The following C11orf65 variants were observed in gnomAD, a reference collection of about 807,000 sequenced individuals.
C11orf65 encodes the protein protein MFI.
A neutral mutation model predicts 35.3 loss-of-function variants in C11orf65; 38 were observed. That is an observed-to-expected ratio of 1.08 (90% CI 0.83 to 1.41). The LOEUF (loss-of-function observed/expected upper bound fraction) is 1.41, where lower values mean the gene tolerates loss of function less well. Among genes scored for constraint, C11orf65 ranks in the 40% most tolerant of loss-of-function variants. C11orf65 has a pLI of 0.00. For synonymous variants in C11orf65, 105 were observed against 114.4 expected (o/e 0.92, Z 0.53); for missense variants, 370 against 367.1 (o/e 1.01, Z -0.06).
At chr11:108,431,255 G>GA (rs143258232) in intron 3 of C11orf65, among the ~76,000 whole-genome samples, 17,123 of 151,486 alleles carry the variant, frequency 0.11, 1,320 homozygotes, top group Non-Finnish European at 0.15. Flanking sequence ...CCCCAAACTA[G>GA]AAAAAATACA....
chr11:108,425,268 A>C (rs1402418290), intron 3 of C11orf65, among the ~76,000 whole-genome samples: 1 of 152,208 alleles, frequency 6.6e-6, no homozygotes, highest in Non-Finnish European at 1.5e-5. Flanking sequence ...AGACTAACAA[A>C]GAAGAGAGAA....
chr11:108,337,991 CT>C (rs2087041530), intron 2 of C11orf65, among the ~76,000 whole-genome samples: 1 of 152,256 alleles, frequency 6.6e-6, no homozygotes, highest in Non-Finnish European at 1.5e-5. Flanking sequence ...ACTTTCATCT[CT>C]ACCTTATGAC....
At chr11:108,438,302 A>G (rs748140085) in intron 2 of C11orf65, among the ~76,000 whole-genome samples, 58 of 152,198 alleles carry the variant, frequency 3.8e-4, no homozygotes, top group Middle Eastern at 3.2e-3. Context: ...CTATAATTTC[A>G]GCAATTTGGG....
At chr11:108,317,304 G>GT (rs939856120) in intron 6 of C11orf65, 7 of 1,517,082 alleles carry the variant, frequency 4.6e-6, no homozygotes, top group East Asian at 2.3e-5. Context: ...TATCTTTGCT[G>GT]TTTTTTTCTC....
chr11:108,466,876 C>T (rs1399865866), intron 1 of C11orf65, among the ~76,000 whole-genome samples: 1 of 152,146 alleles, frequency 6.6e-6, no homozygotes, highest in Admixed American at 6.5e-5. Flanking sequence ...ATTTTGTTTC[C>T]TCTACTAAAT....
At chr11:108,380,862 C>T (rs1437247311), downstream of C11orf65, among the ~76,000 whole-genome samples, 3 of 152,160 alleles carry the variant, frequency 2.0e-5, no homozygotes, top group African/African-American at 7.2e-5. Flanking sequence ...TATGGTGACT[C>T]TTATCAGAAC....
chr11:108,410,157 C>T (rs1299838239), intron 3 of C11orf65, among the ~76,000 whole-genome samples: 2 of 152,086 alleles, frequency 1.3e-5, no homozygotes, highest in Middle Eastern at 3.4e-3. Flanking sequence ...TGTAACAATC[C>T]CCCCACCAGC....
intron 6 of C11orf65, among the ~76,000 whole-genome samples, chr11:108,398,112 C>G (rs767181692): frequency 6.6e-6 from 1 of 152,098 alleles, no homozygotes; most frequent in African/African-American, 2.4e-5. Flanking sequence ...GTGTAGGTAA[C>G]GGGGAGCCCT....
At chr11:108,438,255 T>C (rs1388197185) in intron 2 of C11orf65, among the ~76,000 whole-genome samples, 2 of 152,124 alleles carry the variant, frequency 1.3e-5, no homozygotes, top group African/African-American at 4.8e-5. Flanking sequence ...TAAATCAAAA[T>C]GGATCAAAGA....
In C11orf65 at chr11:108,367,728, A is replaced by G. The variant is rs75293772; in HGVS notation, c.226+25480T>C. ...TGATCTCCTCACCTTCCCCTCCCCT[A>G]AAACCAATCTCCAGAACTTTTTGGA... On this transcript the variant is annotated intron_variant, in intron 2 of 3. Transcript: ENST00000524755. 3,950 of 217,060 alleles carry G rather than the reference A, an allele frequency of 0.018. 108 individuals are homozygous for G. Among genetic ancestry groups the G allele is most frequent in the African/African-American group, 0.069 (3,073 of 44,480 alleles). The allele number at this position is 217,060 out of a possible 1,614,324, so 13.4% of individuals were successfully genotyped here. A position where few individuals can be genotyped will look rare whatever the true frequency, so the allele number is the denominator to read the frequency against.
intron 2 of C11orf65, among the ~76,000 whole-genome samples, chr11:108,358,141 G>A (rs1306829164): frequency 1.3e-5 from 2 of 151,672 alleles, no homozygotes; most frequent in Non-Finnish European, 2.9e-5. Context: ...AGAACTATGT[G>A]AAGAATGCAG....
chr11:108,399,363 C>A (rs936873277), intron 6 of C11orf65, among the ~76,000 whole-genome samples: 6 of 152,176 alleles, frequency 3.9e-5, no homozygotes, highest in African/African-American at 1.2e-4. Flanking sequence ...TGTTGGTCAG[C>A]ACAGTCAATG....
intron 3 of C11orf65, among the ~76,000 whole-genome samples, chr11:108,431,483 G>T (rs61656941): frequency 6.6e-6 from 1 of 152,196 alleles, no homozygotes; most frequent in South Asian, 2.1e-4. Context: ...CCTTTTGGAA[G>T]AAGGGAGTTG....
At chr11:108,312,511 G>T in intron 6 of C11orf65, 1 of 1,517,362 alleles carries the variant, frequency 6.6e-7, no homozygotes, top group South Asian at 1.1e-5. Context: ...AAATATTAGA[G>T]GCTCTATTAT....
chr11:108,310,206 A>T lies in C11orf65; in HGVS notation c.641-1135T>A, dbSNP rs2136013971. 1 of 1,613,638 alleles carries T rather than the reference A, an allele frequency of 6.2e-7. No homozygotes were observed. Among genetic ancestry groups the T allele is most frequent in the Non-Finnish European group, 8.5e-7 (1 of 1,179,748 alleles). On this transcript the variant is annotated intron_variant, in intron 6 of 6. Coordinates refer to the C11orf65 transcript ENST00000525729. ...TAATGATGCTTTCTGGCTGGATTTA[A>T]ATTATCTAGAAGTTGCCAAGGTAGC...
downstream of C11orf65, among the ~76,000 whole-genome samples, chr11:108,381,003 T>C (rs966151161): frequency 1.3e-5 from 2 of 152,206 alleles, no homozygotes; most frequent in African/African-American, 4.8e-5. Context: ...TCCTATCATA[T>C]GCCACACAAT....
intron 2 of C11orf65, among the ~76,000 whole-genome samples, chr11:108,448,500 A>G (rs1253060722): frequency 6.6e-6 from 1 of 152,230 alleles, no homozygotes; most frequent in African/African-American, 2.4e-5. Context: ...GAATAAATGT[A>G]ATCCAGCATA....
At chr11:108,339,922 C>T (rs2087320357) in intron 2 of C11orf65, among the ~76,000 whole-genome samples, 2 of 152,080 alleles carry the variant, frequency 1.3e-5, no homozygotes. Context: ...TCAGAAAGGC[C>T]ATGAGATCAT....
chr11:108,333,800 GC>G, intron 3 of C11orf65: 1 of 1,052,048 alleles, frequency 9.5e-7, no homozygotes. Context: ...ACAAGTTGGG[GC>G]CAGTGGTATC....
Sources: gnomAD v4.1 joint callset for allele counts (sites outside exome capture counted in the v4.1 genomes callset) on GRCh38, gnomAD v4.1.1 for gene constraint, MANE v1.5 for transcripts, NCBI Gene and HGNC (gene_info 2026-07-23, HGNC 2026-07-21) for gene names.